Variants in DMPK observed in about 807,000 individuals in gnomAD.
DMPK encodes the protein myotonin-protein kinase.
DMPK carries 32 observed loss-of-function variants against 70.3 expected under a neutral mutation model. The ratio of observed to expected loss-of-function variants is 0.46; its 90% CI spans 0.34 to 0.61. The LOEUF (loss-of-function observed/expected upper bound fraction) is 0.61, where lower values mean the gene tolerates loss of function less well. DMPK is among the 20% of genes least tolerant of loss of function. The pLI is 0.01. For missense variants in DMPK, 899 were observed against 886.0 expected (o/e 1.01, Z -0.19); for synonymous variants, 469 against 390.9 (o/e 1.20, Z -2.36).
intron 11 of DMPK, 32 bp downstream of exon 11, chr19:45,771,739 A>C (rs768279580): frequency 2.3e-5 from 36 of 1,598,612 alleles, no homozygotes; most frequent in Non-Finnish European, 3.0e-5. Flanking sequence ...ACCGGCCCGC[A>C]TCCCGGCCCC....
In DMPK at chr19:45,769,881, A is replaced by C. The variant is rs1227632972; in HGVS notation, c.*607T>G. 1 of 268,272 alleles carries C rather than the reference A, an allele frequency of 3.7e-6. No individual in the cohort carries two copies. The highest frequency in any genetic ancestry group is 2.3e-5 in the African/African-American group (1 of 43,136). The allele number at this position is 268,272 out of a possible 1,614,324, so 16.6% of individuals were successfully genotyped here. A position where few individuals can be genotyped will look rare whatever the true frequency, so the allele number is the denominator to read the frequency against. On this transcript the variant is annotated 3_prime_UTR_variant, in exon 15 of 15. Transcript: ENST00000291270. The stretch of plus-strand genomic sequence containing the variant: ...GTCAGCGAGTCGGAGGACGAGGTCA[A>C]TAAATATCCAAACCGCCGAAGCGGG...
In DMPK at chr19:45,769,962, C is replaced by A; in HGVS notation, c.*526G>T. The A allele has an allele frequency of 3.3e-6, 1 of 306,850 alleles. No homozygotes were observed. The highest frequency in any genetic ancestry group is 3.4e-5 in the South Asian group (1 of 29,160). 19.0% of individuals were successfully genotyped at this position (306,850 alleles called of 1,614,324 possible). ...AAGTGAGGAGGGGGGCGCGGGATCCCCGAAAAAGCGGGTTTGGCAAAAGCA... is the reference window on the plus strand; with the variant it reads ...AAGTGAGGAGGGGGGCGCGGGATCCACGAAAAAGCGGGTTTGGCAAAAGCA... On this transcript the variant is annotated 3_prime_UTR_variant, in exon 15 of 15. Transcript: ENST00000291270.
At chr19:45,778,053 C>T in intron 6 of DMPK, 74 bp downstream of exon 6, 1 of 1,373,532 alleles carries the variant, frequency 7.3e-7, no homozygotes, top group Non-Finnish European at 1.0e-6. Flanking sequence ...CAAATCCAGT[C>T]CCGCTCCCAC....
rs1349414063 is a variant in DMPK at position 45,779,874 on chromosome 19, G to A, written c.161-5C>T. On this transcript the variant is annotated splice_region_variant and splice_polypyrimidine_tract_variant and intron_variant, in intron 1 of 14. Transcript: ENST00000291270. ...GCCTCACCACGATGGGCTCCGCTGG[G>A]GGGGTGGTGGGGGAAAAGAACCGAG... 1.2e-6 allele frequency: 2 copies of A among 1,613,404 alleles called. No individual in the cohort carries two copies. The highest frequency in any genetic ancestry group is 1.6e-4 in the Middle Eastern group (1 of 6,082).
intron 1 of DMPK, chr19:45,780,146 A>G (rs1264984471): frequency 2.8e-6 from 4 of 1,436,320 alleles, no homozygotes; most frequent in Non-Finnish European, 3.6e-6. Context: ...AGGGTGGGGT[A>G]ACGGAGTCTG....
rs928934090 is a variant in DMPK, at chr19:45,770,973, T to C, written c.1735A>G (p.Arg579Gly). 2.1e-6 allele frequency: 3 copies of C among 1,426,320 alleles called. No homozygotes were observed. Among genetic ancestry groups the C allele is most frequent in the African/African-American group, 3.0e-5 (2 of 67,376 alleles). The allele number at this position is 1,426,320 out of a possible 1,614,324, so 88.4% of individuals were successfully genotyped here. Residue 579 changes from arginine to glycine, a missense_variant and splice_region_variant, in exon 14 of 15, where the codon AGG (arginine) becomes GGG (glycine). This residue lies in a region of DMPK where 555 missense variants were observed against 483.8 expected (regional missense o/e 1.15). Coordinates refer to ENST00000291270, the MANE Select transcript of DMPK (RefSeq NM_004409.5). ...GGGGCGTGGGCAGCCGGACGTACCC[T>C]GGCAGGGAGCAGCAGGTGGCGGCGG... ...MHRRHLLLPA[R>G]VPRPGLSEAL... is the part of the protein sequence containing the mutation.
chr19:45,771,455 G>T (rs1193777025), intron 12 of DMPK, 59 bp from the exon 13 acceptor site: 5 of 1,609,738 alleles, frequency 3.1e-6, no homozygotes, highest in African/African-American at 1.3e-5. Flanking sequence ...GCGGTGGCGC[G>T]GCGTGCCCCA....
chr19:45,776,422 C>A lies in DMPK; in HGVS notation c.1146+905G>T, dbSNP rs1013695155. Among the ~76,000 whole-genome samples, 4 of 151,908 alleles carry A rather than the reference C, an allele frequency of 2.6e-5. No individual in the cohort carries two copies. The East Asian group carries it at 5.9e-4, about 22-fold the overall frequency. On this transcript the variant is annotated intron_variant, in intron 8 of 14. Coordinates refer to ENST00000291270, the MANE Select transcript of DMPK (RefSeq NM_004409.5). ...CCTCCCAAAGTGCTGAGATTACAGG[C>A]GTGAGCCACCACGCCCGGCCAGCCC...
intron 9 of DMPK, among the ~76,000 whole-genome samples, chr19:45,774,635 G>A (rs530894415): frequency 6.6e-6 from 1 of 152,190 alleles, no homozygotes; most frequent in East Asian, 1.9e-4. Context: ...ACAACTGATT[G>A]TAAAAGTCTA....
In DMPK at chr19:45,774,905, A is replaced by G. The variant is rs1969689582; in HGVS notation, c.1232+44T>C. ...CCAAGGAGCAGGACCCAGGAAGCTC[A>G]AGCAGCCTCGTGGCCCCTGGAGGCC... On this transcript the variant is annotated intron_variant, in intron 9 of 14. Transcript: ENST00000291270. 2.7e-6 allele frequency: 4 copies of G among 1,503,772 alleles called. No homozygotes were observed. The African/African-American group carries it at 5.5e-5, about 21-fold the overall frequency. The allele number at this position is 1,503,772 out of a possible 1,614,324, so 93.2% of individuals were successfully genotyped here. A position where few individuals can be genotyped will look rare whatever the true frequency, so the allele number is the denominator to read the frequency against.
At chr19:45,782,113 A>AGCCAGGCCTCTGTGCC in intron 1 of DMPK, 80 bp downstream of exon 1, 1 of 490,570 alleles carries the variant, frequency 2.0e-6, no homozygotes, top group South Asian at 3.5e-5. Context: ...TGCCCCCCCA[A>AGCCAGGCCTCTGTGCC]CAGCCAGGCC....
At position 45,778,146 on chromosome 19, in the gene DMPK, T is replaced by C; in HGVS notation, c.656A>G (p.Lys219Arg). 1 of 1,612,976 alleles carries C rather than the reference T, an allele frequency of 6.2e-7. No individual in the cohort carries two copies. Among genetic ancestry groups the C allele is most frequent in the Non-Finnish European group, 8.5e-7 (1 of 1,179,608 alleles). The change falls in exon 6 of 15, where the codon AAG (lysine) becomes AGG (arginine). Residue 219 changes from lysine (K) to arginine (R), a missense_variant. By Grantham distance (26) the Lys-to-Arg change is conservative. Around this residue, in one of 3 missense-constraint regions of DMPK, gnomAD observed 195 missense variants for 259.7 expected, o/e 0.75. Transcript: ENST00000291270. ...IRLADFGSCL[K>R]LRADGTVRSL... is the part of the protein sequence containing the mutation. ...GCTCACCGTTCCATCTGCCCGCAGC[T>C]TGAGGCAAGAGCCGAAGTCGGCCAG... is the stretch of plus-strand genomic sequence containing the variant.
chr19:45,778,812 C>T, intron 4 of DMPK, 171 bp from the exon 5 acceptor site: 1 of 642,382 alleles, frequency 1.6e-6, no homozygotes, highest in Non-Finnish European at 2.6e-6. Context: ...CACCTGCGGC[C>T]CCCGCCCCCG....
In DMPK at chr19:45,777,707, T is replaced by G; in HGVS notation, c.842A>C (p.Asp281Ala). The G allele has an allele frequency of 6.2e-7, 1 of 1,613,958 alleles. No homozygotes were observed. The highest frequency in any genetic ancestry group is 1.1e-5 in the South Asian group (1 of 91,086). ...MFYGQTPFYA[D>A]STAETYGKIV... ...CTTGCCATAGGTCTCCGCCGTGGAA[T>G]CCGCGTAGAAGGGCGTCTGCCCATA... is the stretch of plus-strand genomic sequence containing the variant. Residue 281 changes from aspartate to alanine, a missense_variant, in exon 7 of 15, where the codon GAT becomes GCT. This residue lies in a region of DMPK where 195 missense variants were observed against 259.7 expected (regional missense o/e 0.75). Coordinates refer to ENST00000291270, the MANE Select transcript of DMPK (RefSeq NM_004409.5). The surrounding 1 kb of genome is among the most constrained non-coding windows in gnomAD (Gnocchi z 6.7).
chr19:45,782,143 C>T, intron 1 of DMPK, 50 bp downstream of exon 1: 2 of 701,492 alleles, frequency 2.9e-6, no homozygotes, highest in South Asian at 2.2e-5. Flanking sequence ...AGACCTGTCT[C>T]CTGCCCCACC....
chr19:45,779,952 T>C (rs1255847778), intron 1 of DMPK, 83 bp from the exon 2 acceptor site: 2 of 1,596,770 alleles, frequency 1.3e-6, no homozygotes, highest in Admixed American at 1.8e-5. Flanking sequence ...CCTCTGTCTG[T>C]CTCCCCTTCT....
rs1333665244 is a variant in DMPK, at chr19:45,771,390, G to A, written c.1607C>T (p.Thr536Met). The change falls in exon 13 of 15, where the codon ACG (threonine) becomes ATG (methionine). Residue 536 changes from threonine (T) to methionine (M), a missense_variant. Around this residue, in one of 3 missense-constraint regions of DMPK, gnomAD observed 555 missense variants for 483.8 expected, o/e 1.15. Coordinates refer to ENST00000291270, the MANE Select transcript of DMPK (RefSeq NM_004409.5). ...LLQAEGATAV[T>M]GVPSPRATDP... is the part of the protein sequence containing the mutation. ...CGTGGCCCGGGGACTGGGGACCCCC[G>A]TGACAGCTGGAAGGAGAAGAAAGAG... The A allele has an allele frequency of 1.9e-6, 3 of 1,606,348 alleles. No homozygotes were observed. Among genetic ancestry groups the A allele is most frequent in the South Asian group, 1.1e-5 (1 of 90,582 alleles).
In DMPK at chr19:45,782,364, A is replaced by G. The variant is rs917730063; in HGVS notation, c.-12T>C. 3.2e-6 allele frequency: 5 copies of G among 1,559,936 alleles called. No individual in the cohort carries two copies. In the South Asian group the frequency reaches 3.5e-5, roughly 11 times the overall value. ...ACCTCGGCTGACATGTTGGACAGGC[A>G]GCACCATGGCCCCTCCCCGGGCCGG... On this transcript the variant is annotated 5_prime_UTR_variant, in exon 1 of 15. Coordinates refer to ENST00000291270, the MANE Select transcript of DMPK (RefSeq NM_004409.5).
At chr19:45,774,779 C>T (rs1029818794) in intron 9 of DMPK, among the ~76,000 whole-genome samples, 170 bp downstream of exon 9, 32 of 152,196 alleles carry the variant, frequency 2.1e-4, no homozygotes, top group Admixed American at 1.6e-3. Context: ...TTTTGAAGTA[C>T]ATAGATCTGA....
Sources: gnomAD v4.1 joint callset for allele counts (sites outside exome capture counted in the v4.1 genomes callset) on GRCh38, gnomAD v4.1.1 for gene constraint, gnomAD v4.1.1 regional missense constraint, Gnocchi (gnomAD v3.1) non-coding constraint, MANE v1.5 for transcripts, NCBI Gene and HGNC (gene_info 2026-07-23, HGNC 2026-07-21) for gene names.